DOCK3: variants seen among roughly 807,000 people sequenced by gnomAD.
DOCK3 encodes dedicator of cytokinesis protein 3.
In DOCK3, 60 loss-of-function variants were observed where a neutral mutation model predicts 265.6. The ratio of observed to expected loss-of-function variants is 0.23; its 90% CI spans 0.18 to 0.28. DOCK3 has a LOEUF of 0.28. DOCK3 is among the 10% of genes least tolerant of loss of function. The pLI is 1.00. For synonymous variants in DOCK3, 881 were observed against 938.0 expected, an observed-to-expected ratio of 0.94 and a Z score of 1.11; for missense variants, 1,981 against 2,594.3, an observed-to-expected ratio of 0.76 and a Z score of 5.14.
intron 29 of DOCK3, 83 bp from the exon 30 acceptor site, chr3:51,312,393 A>G (rs776380293): frequency 1.5e-5 from 17 of 1,159,982 alleles, no homozygotes; most frequent in Admixed American, 6.5e-5. Flanking sequence ...AATGGGTTCT[A>G]TGCTACATGC....
At chr3:51,164,033 A>G (rs2086260272) in intron 12 of DOCK3, among the ~76,000 whole-genome samples, 1 of 152,162 alleles carries the variant, frequency 6.6e-6, no homozygotes, top group Non-Finnish European at 1.5e-5. Flanking sequence ...GCTTTAATGC[A>G]TCATTCTTTG....
At chr3:50,918,012 T>A (rs1156251043) in intron 4 of DOCK3, among the ~76,000 whole-genome samples, 1 of 152,190 alleles carries the variant, frequency 6.6e-6, no homozygotes, top group East Asian at 1.9e-4. Flanking sequence ...ATACAGTGTT[T>A]GGTTTTCTGT....
At chr3:50,851,133 C>T (rs1464663593) in intron 3 of DOCK3, among the ~76,000 whole-genome samples, 1 of 152,130 alleles carries the variant, frequency 6.6e-6, no homozygotes, top group East Asian at 1.9e-4. Context: ...CCTCCTTGGC[C>T]CCAAATTCTC....
chr3:50,845,405 A>G (rs974584982), intron 3 of DOCK3, among the ~76,000 whole-genome samples: 1 of 152,148 alleles, frequency 6.6e-6, no homozygotes, highest in African/African-American at 2.4e-5. Context: ...AGCTTTTATC[A>G]ATAATTGTGA....
intron 2 of DOCK3, among the ~76,000 whole-genome samples, chr3:50,824,051 T>C (rs562644006): frequency 3.0e-4 from 46 of 152,330 alleles, no homozygotes; most frequent in African/African-American, 1.1e-3. Flanking sequence ...AGTATTAAGC[T>C]ATTTGGAACT....
intron 2 of DOCK3, among the ~76,000 whole-genome samples, chr3:50,828,325 T>C (rs2044899911): frequency 6.6e-6 from 1 of 152,204 alleles, no homozygotes; most frequent in African/African-American, 2.4e-5. Flanking sequence ...CATTTGTCCC[T>C]CTTGTCTTTT....
chr3:50,789,227 C>T lies in DOCK3; in HGVS notation c.121+10469C>T, dbSNP rs75943683. Reference sequence around the variant, plus strand: ...TAACTTTTAATTTCCATCTTGATTTCATTGTTGACCCAATGATCATTCAGC... The same window carrying T: ...TAACTTTTAATTTCCATCTTGATTTTATTGTTGACCCAATGATCATTCAGC... On this transcript the variant is annotated intron_variant, in intron 2 of 52. Coordinates refer to ENST00000266037, the MANE Select transcript of DOCK3 (RefSeq NM_004947.5). Among the ~76,000 whole-genome samples, 230 of 152,264 alleles carry T rather than the reference C, an allele frequency of 1.5e-3. 4 individuals are homozygous for T. In the East Asian group the frequency reaches 0.037, roughly 24 times the overall value.
intron 5 of DOCK3, among the ~76,000 whole-genome samples, chr3:51,012,854 C>CT (rs1559935430): frequency 6.6e-6 from 1 of 152,086 alleles, no homozygotes; most frequent in Admixed American, 6.6e-5. Flanking sequence ...TCCTTTTAGT[C>CT]TTTTTTTCTC....
intron 2 of DOCK3, among the ~76,000 whole-genome samples, chr3:50,831,977 C>G (rs2045206037): frequency 1.3e-5 from 2 of 152,106 alleles, no homozygotes; most frequent in Non-Finnish European, 2.9e-5. Context: ...TCTCTAATGA[C>G]CAGTGTTGAT....
chr3:51,007,603 G>A (rs558197615), intron 5 of DOCK3, among the ~76,000 whole-genome samples: 2 of 152,230 alleles, frequency 1.3e-5, no homozygotes, highest in East Asian at 3.9e-4. Flanking sequence ...TTCTTTTGCT[G>A]TGCAGAAGCT....
chr3:51,358,886 A>G (rs901390966), intron 46 of DOCK3, among the ~76,000 whole-genome samples: 8 of 152,174 alleles, frequency 5.3e-5, no homozygotes, highest in African/African-American at 1.9e-4. Flanking sequence ...CTATTCACAT[A>G]TCCAAACCTC....
chr3:51,145,975 C>T (rs376245646), intron 9 of DOCK3, among the ~76,000 whole-genome samples: 33 of 152,246 alleles, frequency 2.2e-4, no homozygotes, highest in African/African-American at 7.9e-4. Flanking sequence ...AATCTAATGC[C>T]GCTGCTGATC....
At chr3:51,028,369 G>A (rs778796633) in intron 5 of DOCK3, among the ~76,000 whole-genome samples, 7 of 151,080 alleles carry the variant, frequency 4.6e-5, no homozygotes, top group Middle Eastern at 3.2e-3. Flanking sequence ...TTTTTTTCAC[G>A]TTGATCTTGG....
intron 5 of DOCK3, among the ~76,000 whole-genome samples, chr3:50,952,525 T>G (rs1693537942): frequency 6.6e-6 from 1 of 152,178 alleles, no homozygotes; most frequent in Non-Finnish European, 1.5e-5. Flanking sequence ...ACCATATATT[T>G]TCATGCTCAA....
chr3:50,931,935 AT>A (rs1412795077), intron 4 of DOCK3, among the ~76,000 whole-genome samples: 1 of 152,154 alleles, frequency 6.6e-6, no homozygotes, highest in South Asian at 2.1e-4. Context: ...TCTATTCTGG[AT>A]TTTTTGCCTC....
At chr3:50,689,450 A>T (rs1338560933) in intron 1 of DOCK3, among the ~76,000 whole-genome samples, 5 of 152,196 alleles carry the variant, frequency 3.3e-5, no homozygotes, top group Non-Finnish European at 7.3e-5. Flanking sequence ...AAGGGGGAAA[A>T]GCCCCTTGTG....
intron 9 of DOCK3, among the ~76,000 whole-genome samples, chr3:51,116,472 A>AAG (rs1553763620): frequency 1.4e-3 from 203 of 144,976 alleles, no homozygotes; most frequent in African/African-American, 5.3e-3. Flanking sequence ...AAAAAAAAAA[A>AAG]GGGTAGTTTT....
At chr3:50,760,506 G>A (rs964817016) in intron 1 of DOCK3, among the ~76,000 whole-genome samples, 4 of 152,078 alleles carry the variant, frequency 2.6e-5, no homozygotes, top group Admixed American at 2.0e-4. Flanking sequence ...AATTATATGA[G>A]GCATTGAACA....
At chr3:50,784,434 A>G (rs1156535647) in intron 2 of DOCK3, among the ~76,000 whole-genome samples, 4 of 152,156 alleles carry the variant, frequency 2.6e-5, no homozygotes, top group African/African-American at 9.7e-5. Flanking sequence ...GGTTTGAGGT[A>G]GGGTAATGTG....
Sources: gnomAD v4.1 joint callset for allele counts (sites outside exome capture counted in the v4.1 genomes callset) on GRCh38, gnomAD v4.1.1 for gene constraint, MANE v1.5 for transcripts, NCBI Gene and HGNC (gene_info 2026-07-23, HGNC 2026-07-21) for gene names.